ARCN1: variants seen among roughly 807,000 people sequenced by gnomAD.
The protein encoded by ARCN1 is archain 1 coat protein complex I subunit delta.
Under a neutral mutation model 60.4 loss-of-function variants are expected in ARCN1, and 5 were observed. The observed-to-expected ratio is 0.08, with a 90% CI of 0.04 to 0.17. The LOEUF is 0.17. ARCN1 is among the 10% of genes least tolerant of loss of function. The pLI, the probability that ARCN1 is intolerant of heterozygous loss-of-function variation, is 1.00. For missense variants in ARCN1, 464 were observed against 626.5 expected (o/e 0.74, Z 2.77); for synonymous variants, 224 against 220.0 (o/e 1.02, Z -0.16).
chr11:118,590,820 T>C (rs1938890745), intron 6 of ARCN1, among the ~76,000 whole-genome samples: 2 of 152,164 alleles, frequency 1.3e-5, no homozygotes, highest in African/African-American at 4.8e-5. Flanking sequence ...AACAGTAAAT[T>C]AATCACTTAG....
At chr11:118,595,552 C>CTT (rs1205274145) in intron 8 of ARCN1, among the ~76,000 whole-genome samples, 1 of 152,318 alleles carries the variant, frequency 6.6e-6, no homozygotes, top group East Asian at 1.9e-4. Context: ...TTGTTGTACA[C>CTT]TTAAATGGCC....
intron 1 of ARCN1, among the ~76,000 whole-genome samples, chr11:118,574,789 T>G (rs1370453371): frequency 6.6e-6 from 1 of 151,918 alleles, no homozygotes; most frequent in Admixed American, 6.6e-5. Flanking sequence ...AGGGTCTCAC[T>G]ATGTTGCCCA....
chr11:118,591,679 C>G (rs1337887024), intron 6 of ARCN1, among the ~76,000 whole-genome samples: 1 of 151,992 alleles, frequency 6.6e-6, no homozygotes, highest in Non-Finnish European at 1.5e-5. Flanking sequence ...TCATGAGCCA[C>G]CATGCCCAGC....
Position 118,597,906 on chromosome 11 carries a change from A to T in ARCN1, c.1441A>T (p.Ile481Leu). 1 of 1,614,186 alleles carries T rather than the reference A, an allele frequency of 6.2e-7. No homozygotes were observed. The highest frequency in any genetic ancestry group is 8.5e-7 in the Non-Finnish European group (1 of 1,180,018). The change falls in exon 9 of 10, where the codon ATA (isoleucine) becomes TTA (leucine). Residue 481 changes from isoleucine to leucine, a missense_variant. By Grantham distance (5) the Ile-to-Leu change is conservative. Coordinates refer to ENST00000264028, the MANE Select transcript of ARCN1 (RefSeq NM_001655.5). ...SFVSKKNYCN[I>L]QVTKVTQVDG... ...TGTCTCCAAGAAAAATTACTGTAAC[A>T]TACAGGTACTCCATTTTAGTTGAGA...
chr11:118,574,592 G>A (rs1466012615), intron 1 of ARCN1, among the ~76,000 whole-genome samples: 3 of 151,614 alleles, frequency 2.0e-5, no homozygotes, highest in Admixed American at 6.6e-5. Flanking sequence ...ATATCAGTAC[G>A]TAAACATTGA....
intron 6 of ARCN1, 98 bp from the exon 7 acceptor site, chr11:118,592,611 C>CT (rs1555076478): frequency 2.4e-6 from 2 of 848,656 alleles, no homozygotes; most frequent in African/African-American, 3.4e-5. Context: ...GTTAGGTACT[C>CT]TATTTTGGAT....
rs781827096 is a variant in ARCN1, at chr11:118,584,658, T to G, written c.818+14T>G. On this transcript the variant is annotated intron_variant, in intron 5 of 9. Transcript: ENST00000264028. ...TAATATGGAAAGGTAAGTAGGAACT[T>G]TGAGTAAGAATTCAAGCTTTGAATA... is the stretch of plus-strand genomic sequence containing the variant. 2 of 1,578,770 alleles carry G rather than the reference T, an allele frequency of 1.3e-6. No individual in the cohort carries two copies. The highest frequency in any genetic ancestry group is 2.4e-5 in the South Asian group (2 of 84,880).
Position 118,600,607 on chromosome 11 carries a change from CTTTG to C in ARCN1, c.1447-14_1447-11del, listed in dbSNP as rs1939126476. 5 of 1,588,896 alleles carry C rather than the reference CTTTG, an allele frequency of 3.1e-6. No individual in the cohort carries two copies. The highest frequency in any genetic ancestry group is 1.4e-5 in the African/African-American group (1 of 73,774). Reference sequence around the variant, plus strand: ...CTCAAACCTCCTGCTTTACCTTACTCTTTGTTTATTTTCCTAGGTTACCAAAGTG... The same window carrying C: ...CTCAAACCTCCTGCTTTACCTTACTCTTTATTTTCCTAGGTTACCAAAGTG... On this transcript the variant is annotated splice_polypyrimidine_tract_variant and intron_variant, in intron 9 of 9. Transcript: ENST00000264028.
chr11:118,593,313 T>TG (rs1456003367), intron 7 of ARCN1, among the ~76,000 whole-genome samples: 11 of 151,886 alleles, frequency 7.2e-5, no homozygotes, highest in Admixed American at 7.2e-4. Flanking sequence ...ATTACAACCT[T>TG]GAACTCCTGG....
intron 8 of ARCN1, among the ~76,000 whole-genome samples, chr11:118,597,045 A>T (rs1386948676): frequency 6.6e-6 from 1 of 152,182 alleles, no homozygotes; most frequent in Non-Finnish European, 1.5e-5. Flanking sequence ...CGCCTCTACT[A>T]AAAATACAAA....
At chr11:118,588,650 T>C (rs1384973077) in intron 5 of ARCN1, among the ~76,000 whole-genome samples, 3 of 152,054 alleles carry the variant, frequency 2.0e-5, no homozygotes, top group South Asian at 2.1e-4. Context: ...TTCAAGGTTA[T>C]AGTGAACTGT....
intron 1 of ARCN1, among the ~76,000 whole-genome samples, chr11:118,577,648 T>C (rs1938551239): frequency 1.3e-5 from 2 of 152,214 alleles, no homozygotes; most frequent in Admixed American, 1.3e-4. Context: ...TCATGTTACT[T>C]AACACATTCT....
intron 5 of ARCN1, among the ~76,000 whole-genome samples, chr11:118,589,099 A>G (rs2135548082): frequency 6.6e-6 from 1 of 152,354 alleles, no homozygotes; most frequent in Middle Eastern, 3.4e-3. Flanking sequence ...TGATTATGTA[A>G]GAGAATATCC....
At position 118,601,451 on chromosome 11, in the gene ARCN1, T is replaced by G. The variant is rs1939146979; in HGVS notation, c.*737T>G. The G allele has an allele frequency of 3.3e-6, 2 of 611,128 alleles. No individual in the cohort carries two copies. Among genetic ancestry groups the G allele is most frequent in the African/African-American group, 1.9e-5 (1 of 54,044 alleles). 37.9% of individuals were successfully genotyped at this position (611,128 alleles called of 1,614,324 possible). A position where few individuals can be genotyped will look rare whatever the true frequency, so the allele number is the denominator to read the frequency against. On this transcript the variant is annotated 3_prime_UTR_variant, in exon 10 of 10. Transcript: ENST00000264028. The stretch of plus-strand genomic sequence containing the variant: ...TTTAAAAAGTTTTCTCTGTAGAAAA[T>G]TTTAATCATTCATACCCTTTACCTT...
At chr11:118,581,921 G>GACACACACACACACACACACAC (rs1938658019) in intron 2 of ARCN1, among the ~76,000 whole-genome samples, 1 of 117,202 alleles carries the variant, frequency 8.5e-6, no homozygotes, top group Non-Finnish European at 1.9e-5. Flanking sequence ...CTGATCCAGA[G>GACACACACACACACACACACAC]ACAGACAGAC....
Position 118,598,985 on chromosome 11 carries a change from G to C in ARCN1, c.1446+1074G>C, listed in dbSNP as rs1271118275. On this transcript the variant is annotated intron_variant, in intron 9 of 9. Coordinates refer to ENST00000264028, the MANE Select transcript of ARCN1 (RefSeq NM_001655.5). ...ATTTTTGTATTTTTAGTAGAGACAG[G>C]GTTTCACCATATCGGTCAGGCTGGT... is the stretch of plus-strand genomic sequence containing the variant. Among the ~76,000 whole-genome samples the C allele has an allele frequency of 4.6e-5, 7 of 151,474 alleles. No homozygotes were observed. In the East Asian group the frequency reaches 1.4e-3, roughly 29 times the overall value.
At chr11:118,588,068 T>G (rs1938815958) in intron 5 of ARCN1, among the ~76,000 whole-genome samples, 5 of 152,232 alleles carry the variant, frequency 3.3e-5, no homozygotes, top group Admixed American at 1.3e-4. Context: ...TTCATCTTCC[T>G]GTAAGCCTGC....
rs369324137 is a variant in ARCN1 at position 118,592,829 on chromosome 11, A to C, written c.1105A>C (p.Thr369Pro). ...VGVLKWRLQT[T>P]EESFIPLTIN... ...GGTGCTAAAGTGGAGACTACAAACC[A>C]CAGAGGAATCTTTTATTCCACTGAC... Residue 369 changes from threonine to proline, a missense_variant, in exon 7 of 10, where the codon ACA (threonine) becomes CCA (proline). By Grantham distance (38) the Thr-to-Pro change is conservative. Coordinates refer to ENST00000264028, the MANE Select transcript of ARCN1 (RefSeq NM_001655.5). 1 of 1,613,900 alleles carries C rather than the reference A, an allele frequency of 6.2e-7. No individual in the cohort carries two copies. Among genetic ancestry groups the C allele is most frequent in the Admixed American group, 1.7e-5 (1 of 59,996 alleles).
intron 4 of ARCN1, among the ~76,000 whole-genome samples, 171 bp from the exon 5 acceptor site, chr11:118,584,309 C>A (rs1277507455): frequency 2.6e-5 from 4 of 152,096 alleles, no homozygotes; most frequent in African/African-American, 9.7e-5. Context: ...GATTTTTAAT[C>A]TTGATGTTCA....
Sources: allele counts gnomAD v4.1 joint callset (sites outside exome capture counted in the v4.1 genomes callset), GRCh38; gene constraint gnomAD v4.1.1; transcripts MANE v1.5; gene names NCBI Gene and HGNC (gene_info 2026-07-23, HGNC 2026-07-21).